The following MARCHF1 variants were observed in gnomAD, a reference collection of about 807,000 sequenced individuals.
MARCHF1 encodes the protein membrane associated ring-CH-type finger 1, also known as E3 ubiquitin-protein ligase MARCHF1.
Under a neutral mutation model 54.2 loss-of-function variants are expected in MARCHF1, and 40 were observed. The observed-to-expected ratio is 0.74, with a 90% CI of 0.57 to 0.96. MARCHF1 has a LOEUF of 0.96. MARCHF1 is among the 40% of genes least tolerant of loss of function. The pLI is 0.00. For missense variants in MARCHF1, 586 were observed against 656.5 expected, an observed-to-expected ratio of 0.89 and a Z score of 1.17; for synonymous variants, 236 against 236.3, an observed-to-expected ratio of 1.00 and a Z score of 0.01.
chr4:163,535,993 C>T (rs536727351), intron 9 of MARCHF1, among the ~76,000 whole-genome samples: 1 of 152,238 alleles, frequency 6.6e-6, no homozygotes, highest in East Asian at 1.9e-4. Context: ...AGGACAGTAC[C>T]TTCCAACAAA....
intron 9 of MARCHF1, among the ~76,000 whole-genome samples, chr4:163,539,001 T>TTTTA (rs56805784): frequency 0.096 from 14,321 of 149,016 alleles, 799 homozygotes; most frequent in African/African-American, 0.16. Flanking sequence ...CTCCTGATGC[T>TTTTA]TTTATTTATT....
At chr4:164,002,057 T>C (rs1458266627) in intron 2 of MARCHF1, among the ~76,000 whole-genome samples, 2 of 151,592 alleles carry the variant, frequency 1.3e-5, no homozygotes, top group Admixed American at 6.6e-5. Flanking sequence ...AAATAAAGAT[T>C]AAAACAAGCC....
chr4:164,206,607 G>A (rs2111104591), intron 1 of MARCHF1, among the ~76,000 whole-genome samples: 1 of 152,126 alleles, frequency 6.6e-6, no homozygotes, highest in Non-Finnish European at 1.5e-5. Flanking sequence ...TGTTACATCA[G>A]ACATCAAACT....
intron 2 of MARCHF1, among the ~76,000 whole-genome samples, chr4:164,062,703 T>C (rs1365079780): frequency 3.3e-5 from 5 of 152,082 alleles, no homozygotes; most frequent in African/African-American, 9.7e-5. Flanking sequence ...TTTGTATTTT[T>C]AGTAGAGACG....
At position 163,640,873 on chromosome 4, in the gene MARCHF1, A is replaced by G. The variant is rs557241828; in HGVS notation, c.163-27480T>C. On this transcript the variant is annotated intron_variant, in intron 5 of 9. Coordinates refer to ENST00000514618, the MANE Select transcript of MARCHF1 (RefSeq NM_001394959.1). ...TATTGGTTAAGGCCACCTTTTGGTTATTGACATATTATCTATCGCGAAGAG... is the reference window on the plus strand; with the variant it reads ...TATTGGTTAAGGCCACCTTTTGGTTGTTGACATATTATCTATCGCGAAGAG... 1.8e-4 allele frequency among the ~76,000 whole-genome samples: 27 copies of G among 152,208 alleles called. No homozygotes were observed. The South Asian group carries it at 5.4e-3, about 30-fold the overall frequency.
At chr4:164,131,070 C>T (rs1262184921) in intron 1 of MARCHF1, among the ~76,000 whole-genome samples, 1 of 152,042 alleles carries the variant, frequency 6.6e-6, no homozygotes, top group Non-Finnish European at 1.5e-5. Flanking sequence ...TTGGAAGTAT[C>T]AATAAATGTG....
At chr4:163,539,512 A>AT (rs1267858831) in intron 9 of MARCHF1, among the ~76,000 whole-genome samples, 4 of 152,228 alleles carry the variant, frequency 2.6e-5, no homozygotes, top group Non-Finnish European at 5.9e-5. Context: ...CCTTTGGCTG[A>AT]TTCAGCTGTA....
At chr4:163,975,188 T>TCACA (rs1227026259) in intron 3 of MARCHF1, among the ~76,000 whole-genome samples, 3 of 133,946 alleles carry the variant, frequency 2.2e-5, no homozygotes, top group African/African-American at 1.0e-4. Flanking sequence ...TCTCTCTCTC[T>TCACA]CTCTCTCTCA....
chr4:163,580,535 A>G (rs1740195350), intron 8 of MARCHF1, among the ~76,000 whole-genome samples: 1 of 152,204 alleles, frequency 6.6e-6, no homozygotes, highest in Non-Finnish European at 1.5e-5. Flanking sequence ...CAACAAACCC[A>G]GATAGAAAGG....
intron 9 of MARCHF1, among the ~76,000 whole-genome samples, chr4:163,543,602 CAG>C (rs1738795537): frequency 1.3e-5 from 2 of 151,990 alleles, no homozygotes; most frequent in South Asian, 2.1e-4. Flanking sequence ...AGCAAGGAGA[CAG>C]AAAAATGGAA....
intron 1 of MARCHF1, among the ~76,000 whole-genome samples, chr4:164,357,531 C>T (rs12506880): frequency 0.43 from 65,080 of 151,864 alleles, 14,773 homozygotes; most frequent in Non-Finnish European, 0.5. Context: ...ACAGGTTCAG[C>T]GCATATGAGA....
intron 1 of MARCHF1, chr4:164,197,216 C>G: frequency 1.2e-6 from 2 of 1,610,332 alleles, no homozygotes; most frequent in Non-Finnish European, 1.7e-6. Flanking sequence ...CCCTCCTCCT[C>G]GTCATCCAGG....
chr4:164,337,187 C>A (rs550891025), intron 1 of MARCHF1, among the ~76,000 whole-genome samples: 2 of 152,254 alleles, frequency 1.3e-5, no homozygotes, highest in South Asian at 2.1e-4. Flanking sequence ...GAGTTTTCTG[C>A]CATCATCACC....
chr4:164,034,104 T>TAGAC (rs1553971749), intron 2 of MARCHF1, among the ~76,000 whole-genome samples: 3,867 of 141,744 alleles, frequency 0.027, 166 homozygotes, highest in South Asian at 0.055. Context: ...GATAGATAGA[T>TAGAC]AGATAGATAG....
chr4:164,031,996 G>A (rs990752534), intron 2 of MARCHF1, among the ~76,000 whole-genome samples: 1 of 152,124 alleles, frequency 6.6e-6, no homozygotes, highest in African/African-American at 2.4e-5. Context: ...ATTTAGTTGT[G>A]CCTTAATTTC....
Position 163,655,433 on chromosome 4 carries a change from C to T in MARCHF1, c.163-42040G>A, listed in dbSNP as rs150849131. ...AAGTTCTTAGAGACCTACAAAGAAA[C>T]GTAGACTCCCACACAATAATAGTGG... On this transcript the variant is annotated intron_variant, in intron 5 of 9. Coordinates refer to ENST00000514618, the MANE Select transcript of MARCHF1 (RefSeq NM_001394959.1). 1.5e-3 allele frequency among the ~76,000 whole-genome samples: 226 copies of T among 151,836 alleles called. 1 individual carries two copies. The highest frequency in any genetic ancestry group is 4.9e-3 in the African/African-American group (205 of 41,478).
chr4:163,553,040 A>AG (rs1210482700), intron 8 of MARCHF1, among the ~76,000 whole-genome samples: 1 of 111,242 alleles, frequency 9.0e-6, no homozygotes, highest in Admixed American at 8.9e-5. Flanking sequence ...CTCAAAAAAA[A>AG]AAAAAAAAAA....
At chr4:164,155,676 T>C (rs6536801) in intron 1 of MARCHF1, among the ~76,000 whole-genome samples, 28,989 of 151,894 alleles carry the variant, frequency 0.19, 4,410 homozygotes, top group African/African-American at 0.41. Flanking sequence ...GGAGACTTGG[T>C]GGGGGGAAGG....
rs557959808 is a variant in MARCHF1 at position 163,747,660 on chromosome 4, AATAAC to A, written c.112-46802_112-46798del. Among the ~76,000 whole-genome samples the A allele has an allele frequency of 3.3e-5, 5 of 152,364 alleles. No homozygotes were observed. In the South Asian group the frequency reaches 1.0e-3, roughly 32 times the overall value. ...GACCAAATTGAACTTCTAGAGCTAA[AATAAC>A]ATAACAATATAACAACTGAAATTTA... On this transcript the variant is annotated intron_variant, in intron 4 of 9. Transcript: ENST00000514618.
Sources: gnomAD v4.1 joint callset for allele counts (sites outside exome capture counted in the v4.1 genomes callset) on GRCh38, gnomAD v4.1.1 for gene constraint, MANE v1.5 for transcripts, NCBI Gene and HGNC (gene_info 2026-07-23, HGNC 2026-07-21) for gene names.